The following ABLIM2 variants were observed in gnomAD, a reference collection of about 807,000 sequenced individuals.
The protein encoded by ABLIM2 is actin binding LIM protein family member 2, also known as actin-binding LIM protein 2.
In ABLIM2, 53 loss-of-function variants were observed where a neutral mutation model predicts 97.7. The ratio of observed to expected loss-of-function variants is 0.54; its 90% confidence interval spans 0.44 to 0.68. The LOEUF (loss-of-function observed/expected upper bound fraction) is 0.68, where lower values mean the gene tolerates loss of function less well. Ranked by LOEUF, ABLIM2 falls within the 30% of genes least tolerant of loss-of-function variation. The pLI is 0.00. For missense variants in ABLIM2, 835 were observed against 867.2 expected, an observed-to-expected ratio of 0.96 and a Z score of 0.47; for synonymous variants, 361 against 345.8, an observed-to-expected ratio of 1.04 and a Z score of -0.49.
intron 1 of ABLIM2, among the ~76,000 whole-genome samples, chr4:8,141,723 C>T (rs910285734): frequency 1.3e-5 from 2 of 152,162 alleles, no homozygotes; most frequent in African/African-American, 2.4e-5. Context: ...AGCAGGTTCA[C>T]GTGCAGATCT....
chr4:8,027,983 G>T, intron 11 of ABLIM2, 126 bp from the exon 12 acceptor site: 1 of 646,800 alleles, frequency 1.5e-6, no homozygotes, highest in Non-Finnish European at 2.4e-6. Context: ...ACAACTTTTT[G>T]CACCTGAAGG....
chr4:8,142,745 G>T (rs1034772548), intron 1 of ABLIM2, among the ~76,000 whole-genome samples: 6 of 152,192 alleles, frequency 3.9e-5, no homozygotes, highest in Non-Finnish European at 5.9e-5. Flanking sequence ...CCCCTGCACG[G>T]TTGGACAAAG....
In ABLIM2 at chr4:8,020,548, C is replaced by A. The variant is rs901414195; in HGVS notation, c.1268-245G>T. The A allele has an allele frequency of 7.2e-5, 44 of 611,430 alleles. No individual in the cohort carries two copies. The African/African-American group carries it at 7.4e-4, about 10-fold the overall frequency. The allele number at this position is 611,430 out of a possible 1,614,324, so 37.9% of individuals were successfully genotyped here. A position where few individuals can be genotyped will look rare whatever the true frequency, so the allele number is the denominator to read the frequency against. On this transcript the variant is annotated intron_variant, in intron 12 of 20. Transcript: ENST00000447017. ...GTCCCAAGGCAGAGGAGCGACATTG[C>A]TGAGGGCAGAGGGCTGGGCGGTGAA...
chr4:8,139,528 G>C (rs1237453625), intron 1 of ABLIM2, among the ~76,000 whole-genome samples: 1 of 152,172 alleles, frequency 6.6e-6, no homozygotes, highest in African/African-American at 2.4e-5. Flanking sequence ...CATTAGAGAA[G>C]TGCAGATCAA....
At position 8,008,961 on chromosome 4, in the gene ABLIM2, G is replaced by A. The variant is rs566032777; in HGVS notation, c.1476+89C>T. The A allele has an allele frequency of 3.5e-5, 52 of 1,470,672 alleles. No homozygotes were observed. In the South Asian group the frequency reaches 4.7e-4, roughly 13 times the overall value. The allele number at this position is 1,470,672 out of a possible 1,614,324, so 91.1% of individuals were successfully genotyped here. ...CCTAAGGAACAGAATGTAAGAGGAAGATTCGAAGTCTCAATCGGAGAAGCC... is the reference window on the plus strand; with the variant it reads ...CCTAAGGAACAGAATGTAAGAGGAAAATTCGAAGTCTCAATCGGAGAAGCC... On this transcript the variant is annotated intron_variant, in intron 15 of 20. Coordinates refer to ENST00000447017, the MANE Select transcript of ABLIM2 (RefSeq NM_001130083.2).
chr4:8,001,197 G>A lies in ABLIM2; in HGVS notation c.1618+6862C>T, dbSNP rs1319193735. ...AGCTGGACTGGGGAGGGGAGGCAGAGCTTCCGGTGTCGGGGCCCAGGCAGC... is the reference window on the plus strand; with the variant it reads ...AGCTGGACTGGGGAGGGGAGGCAGAACTTCCGGTGTCGGGGCCCAGGCAGC... On this transcript the variant is annotated intron_variant, in intron 16 of 20. Coordinates refer to ENST00000447017, the MANE Select transcript of ABLIM2 (RefSeq NM_001130083.2). The surrounding 1 kb of genome is among the most constrained non-coding windows in gnomAD (Gnocchi z 4.2). Among the ~76,000 whole-genome samples, 1 of 152,216 alleles carries A rather than the reference G, an allele frequency of 6.6e-6. No homozygotes were observed. The highest frequency in any genetic ancestry group is 1.5e-5 in the Non-Finnish European group (1 of 68,032).
In ABLIM2 at chr4:8,127,928, A is replaced by AC. The variant is rs956374489; in HGVS notation, c.11-21292dup. Among the ~76,000 whole-genome samples the AC allele has an allele frequency of 1.3e-5, 2 of 151,916 alleles. No individual in the cohort carries two copies. The highest frequency in any genetic ancestry group is 2.1e-4 in the South Asian group (1 of 4,818). ...TAGGGGCAGCAATAGTGAGCTCACA[A>AC]CCCCCACAGCCCCGCGTGCTGGGAG... On this transcript the variant is annotated intron_variant, in intron 1 of 20. Coordinates refer to ENST00000447017, the MANE Select transcript of ABLIM2 (RefSeq NM_001130083.2). The surrounding 1 kb of genome is among the most constrained non-coding windows in gnomAD (Gnocchi z 7.3).
chr4:8,088,389 T>G, intron 3 of ABLIM2, 105 bp from the exon 4 acceptor site: 1 of 849,626 alleles, frequency 1.2e-6, no homozygotes, highest in South Asian at 1.6e-5. Flanking sequence ...CCCAGGATCT[T>G]GCAAAGGTAC....
At chr4:8,111,974 GCAGGTT>G (rs1840585497) in intron 1 of ABLIM2, among the ~76,000 whole-genome samples, 1 of 151,758 alleles carries the variant, frequency 6.6e-6, no homozygotes, top group Non-Finnish European at 1.5e-5. Flanking sequence ...CACAATTGCG[GCAGGTT>G]CATTTCACTG....
chr4:8,029,214 G>A (rs1358390609), intron 11 of ABLIM2, among the ~76,000 whole-genome samples: 2 of 152,186 alleles, frequency 1.3e-5, no homozygotes, highest in Non-Finnish European at 2.9e-5. Flanking sequence ...ATGTTAATGG[G>A]CTTCATTTTT....
chr4:8,005,484 T>C lies in ABLIM2; in HGVS notation c.1618+2575A>G. ...CAAATGCTTTGTTCAGTAAAAGCTG[T>C]GTGCAAATGGAACTGGTGCCCACGG... On this transcript the variant is annotated intron_variant, in intron 16 of 20. Coordinates refer to ENST00000447017, the MANE Select transcript of ABLIM2 (RefSeq NM_001130083.2). The surrounding 1 kb of genome is among the most constrained non-coding windows in gnomAD (Gnocchi z 4.9). 1 of 526,844 alleles carries C rather than the reference T, an allele frequency of 1.9e-6. No homozygotes were observed. 32.6% of individuals were successfully genotyped at this position (526,844 alleles called of 1,614,324 possible). A position where few individuals can be genotyped will look rare whatever the true frequency, so the allele number is the denominator to read the frequency against.
intron 9 of ABLIM2, among the ~76,000 whole-genome samples, chr4:8,037,339 GGCAC>G (rs915432756): frequency 1.8e-5 from 2 of 109,866 alleles, no homozygotes; most frequent in African/African-American, 9.7e-5. Flanking sequence ...CACACATGCA[GGCAC>G]ACACACACAT....
intron 5 of ABLIM2, among the ~76,000 whole-genome samples, chr4:8,078,033 G>A (rs779709034): frequency 1.3e-4 from 20 of 152,324 alleles, no homozygotes; most frequent in Middle Eastern, 3.4e-3. Flanking sequence ...TGTAGACCTG[G>A]CTCTTCTTTC....
At chr4:7,967,461 G>A (rs1220353600) in intron 20 of ABLIM2, among the ~76,000 whole-genome samples, 2 of 152,194 alleles carry the variant, frequency 1.3e-5, no homozygotes, top group African/African-American at 4.8e-5. Context: ...TTCCTTCAGT[G>A]GTCATATTTG....
chr4:8,138,382 A>G (rs1850476027), intron 1 of ABLIM2, among the ~76,000 whole-genome samples: 2 of 152,208 alleles, frequency 1.3e-5, no homozygotes, highest in South Asian at 4.1e-4. Context: ...AAACAATCAT[A>G]TGGAACCAAA....
At chr4:8,034,275 A>C (rs941830138) in intron 10 of ABLIM2, among the ~76,000 whole-genome samples, 7 of 144,446 alleles carry the variant, frequency 4.8e-5, no homozygotes, top group African/African-American at 1.8e-4. Flanking sequence ...GGGTGGGTGC[A>C]GGTGAGTGCA....
rs545979410 is a variant in ABLIM2, at chr4:8,068,117, C to T, written c.676-7063G>A. On this transcript the variant is annotated intron_variant, in intron 6 of 20. Coordinates refer to ENST00000447017, the MANE Select transcript of ABLIM2 (RefSeq NM_001130083.2). The surrounding 1 kb of genome is among the most constrained non-coding windows in gnomAD (Gnocchi z 4.5). ...CATCGGTACAGTGGCCACATCCTCC[C>T]AATTGCCACCCGAGGAGTGCCTGAA... 1.3e-5 allele frequency among the ~76,000 whole-genome samples: 2 copies of T among 152,262 alleles called. No individual in the cohort carries two copies. The highest frequency in any genetic ancestry group is 3.9e-4 in the East Asian group (2 of 5,176).
At chr4:7,995,831 C>T (rs886971149) in intron 16 of ABLIM2, among the ~76,000 whole-genome samples, 7 of 152,224 alleles carry the variant, frequency 4.6e-5, no homozygotes, top group Non-Finnish European at 1.0e-4. Context: ...GACCTTCGGG[C>T]TATTCCTCCC....
At chr4:8,126,815 C>G (rs1385134075) in intron 1 of ABLIM2, among the ~76,000 whole-genome samples, 1 of 152,052 alleles carries the variant, frequency 6.6e-6, no homozygotes, top group Non-Finnish European at 1.5e-5. Context: ...CCTGTAATCC[C>G]AGCACTTTGA....
Sources: gnomAD v4.1 joint callset for allele counts (sites outside exome capture counted in the v4.1 genomes callset) on GRCh38, gnomAD v4.1.1 for gene constraint, Gnocchi (gnomAD v3.1) non-coding constraint, MANE v1.5 for transcripts, NCBI Gene and HGNC (gene_info 2026-07-23, HGNC 2026-07-21) for gene names.